The following CSMD2 variants were observed in gnomAD, a reference collection of about 807,000 sequenced individuals.
CSMD2 encodes CUB and sushi domain-containing protein 2.
CSMD2 carries 130 observed loss-of-function variants against 398.5 expected under a neutral mutation model. The ratio of observed to expected loss-of-function variants is 0.33; its 90% confidence interval spans 0.28 to 0.38. The LOEUF is 0.38. Ranked by LOEUF, CSMD2 falls within the 10% of genes least tolerant of loss-of-function variation. The probability of loss-of-function intolerance (pLI) is 1.00; values close to 1 mark genes in which losing one functional copy is unlikely to be tolerated. For missense variants in CSMD2, 3,829 were observed against 4,764.9 expected (o/e 0.80, Z 5.78); for synonymous variants, 1,828 against 1,908.5 (o/e 0.96, Z 1.10).
In CSMD2 at chr1:33,602,359, C is replaced by T. The variant is rs778060721; in HGVS notation, c.6710+10G>A. 5.0e-6 allele frequency: 8 copies of T among 1,613,734 alleles called. No homozygotes were observed. The East Asian group carries it at 1.8e-4, about 36-fold the overall frequency. On this transcript the variant is annotated intron_variant, in intron 43 of 70. Coordinates refer to ENST00000373381, the MANE Select transcript of CSMD2 (RefSeq NM_001281956.2). ...TTTCTAATTGGCTGTTGACATGGCA[C>T]CTGGCCTACCAGATGGTGATGAAAT...
chr1:33,992,591 G>C (rs532564056), intron 3 of CSMD2, among the ~76,000 whole-genome samples: 1 of 151,602 alleles, frequency 6.6e-6, no homozygotes, highest in African/African-American at 2.4e-5. Flanking sequence ...TAACTCGGCC[G>C]GGTGTGGTGG....
At chr1:33,714,923 A>C in intron 20 of CSMD2, 148 bp from the exon 21 acceptor site, 1 of 741,570 alleles carries the variant, frequency 1.3e-6, no homozygotes, top group Non-Finnish European at 2.2e-6. Flanking sequence ...GGCCCACAAA[A>C]GGTGACACTG....
chr1:34,101,224 A>G (rs1052944716), intron 1 of CSMD2, among the ~76,000 whole-genome samples: 19 of 152,260 alleles, frequency 1.2e-4, no homozygotes, highest in African/African-American at 4.6e-4. Context: ...GGCACCTTGC[A>G]TTTCTCTCTA....
intron 33 of CSMD2, among the ~76,000 whole-genome samples, chr1:33,625,955 C>T (rs545163906): frequency 4.6e-5 from 7 of 152,242 alleles, no homozygotes; most frequent in Non-Finnish European, 8.8e-5. Context: ...CCAGCTACTT[C>T]CCGAAGCCTC....
At chr1:33,664,783 A>G in intron 25 of CSMD2, among the ~76,000 whole-genome samples, 1 of 152,202 alleles carries the variant, frequency 6.6e-6, no homozygotes, top group Middle Eastern at 3.2e-3. Context: ...AGCCTGGGCG[A>G]CACAGCGAGA....
chr1:33,631,157 C>T (rs916827811), intron 32 of CSMD2, among the ~76,000 whole-genome samples: 13 of 151,572 alleles, frequency 8.6e-5, no homozygotes, highest in African/African-American at 1.7e-4. Flanking sequence ...CTGGTACAGC[C>T]GAGTAAAAAG....
At chr1:33,562,970 TA>T (rs1171158450) in intron 53 of CSMD2, among the ~76,000 whole-genome samples, 1 of 152,224 alleles carries the variant, frequency 6.6e-6, no homozygotes, top group Non-Finnish European at 1.5e-5. Flanking sequence ...TCTCTCTCTA[TA>T]CACACCTCCT....
In CSMD2 at chr1:33,708,615, A is replaced by ATTATTG. The variant is rs1402213414; in HGVS notation, c.3576+473_3576+474insCAATAA. On this transcript the variant is annotated intron_variant, in intron 22 of 70. Transcript: ENST00000373381. ...ACTTATTATTATTATTATTATTATTATTTTGAGACAGGGTCTGACTCTGTC... is the reference window on the plus strand; with the variant it reads ...ACTTATTATTATTATTATTATTATTATTATTGTTTTGAGACAGGGTCTGACTCTGTC... 1.2e-4 allele frequency among the ~76,000 whole-genome samples: 18 copies of ATTATTG among 149,734 alleles called. No homozygotes were observed. In the East Asian group the frequency reaches 3.5e-3, roughly 29 times the overall value.
intron 5 of CSMD2, among the ~76,000 whole-genome samples, chr1:33,895,636 G>T (rs1642333972): frequency 1.3e-5 from 2 of 152,168 alleles, no homozygotes; most frequent in Non-Finnish European, 2.9e-5. Flanking sequence ...GAGAGGCAGG[G>T]GGACTTGGTG....
chr1:33,899,703 C>A (rs1220016588), intron 5 of CSMD2, among the ~76,000 whole-genome samples: 1 of 152,212 alleles, frequency 6.6e-6, no homozygotes, highest in Non-Finnish European at 1.5e-5. Context: ...ATGTTCCCAG[C>A]AGGTTACAGT....
intron 2 of CSMD2, among the ~76,000 whole-genome samples, chr1:34,044,673 G>C (rs1294923649): frequency 1.3e-5 from 2 of 152,130 alleles, no homozygotes; most frequent in African/African-American, 4.8e-5. Context: ...TTCCGAGGGT[G>C]ATCTATGCAT....
intron 67 of CSMD2, among the ~76,000 whole-genome samples, chr1:33,523,027 C>G (rs867743479): frequency 2.6e-5 from 4 of 152,230 alleles, no homozygotes; most frequent in Non-Finnish European, 4.4e-5. Context: ...CCCTCTGCCC[C>G]CAACCTCCAT....
intron 32 of CSMD2, among the ~76,000 whole-genome samples, chr1:33,631,475 G>A (rs1009960230): frequency 1.8e-4 from 28 of 152,128 alleles, no homozygotes; most frequent in African/African-American, 5.3e-4. Context: ...TTAGTTGGCA[G>A]TGTAAGCAGT....
chr1:34,132,376 T>C (rs1663448581), intron 1 of CSMD2, among the ~76,000 whole-genome samples: 1 of 151,924 alleles, frequency 6.6e-6, no homozygotes, highest in Admixed American at 6.6e-5. Context: ...ATCTTGCTTG[T>C]TACCCACTTC....
intron 28 of CSMD2, among the ~76,000 whole-genome samples, chr1:33,649,141 A>G (rs1282901046): frequency 6.6e-6 from 1 of 152,200 alleles, no homozygotes; most frequent in East Asian, 1.9e-4. Flanking sequence ...ATATCTAACA[A>G]AGGCAATTGA....
At chr1:33,876,056 C>T (rs951848441) in intron 5 of CSMD2, among the ~76,000 whole-genome samples, 5 of 152,174 alleles carry the variant, frequency 3.3e-5, no homozygotes, top group African/African-American at 1.2e-4. Context: ...TTGCAGCCAT[C>T]AGGGGCTGCT....
chr1:33,577,185 A>C, intron 49 of CSMD2, 111 bp downstream of exon 49: 1 of 1,001,308 alleles, frequency 1.0e-6, no homozygotes, highest in Non-Finnish European at 1.5e-6. Context: ...GAAAGAATGA[A>C]ATAATTATCA....
intron 25 of CSMD2, among the ~76,000 whole-genome samples, chr1:33,678,467 C>T (rs1482007890): frequency 6.6e-6 from 1 of 152,058 alleles, no homozygotes; most frequent in Non-Finnish European, 1.5e-5. Context: ...ACTGCAGGAA[C>T]ACAATAAACC....
intron 44 of CSMD2, among the ~76,000 whole-genome samples, chr1:33,590,841 C>A (rs772121274): frequency 6.6e-6 from 1 of 152,070 alleles, no homozygotes; most frequent in Non-Finnish European, 1.5e-5. Flanking sequence ...ACGGTGGGGG[C>A]AATTGCTTTA....
Sources: allele counts gnomAD v4.1 joint callset (sites outside exome capture counted in the v4.1 genomes callset), GRCh38; gene constraint gnomAD v4.1.1; transcripts MANE v1.5; gene names NCBI Gene and HGNC (gene_info 2026-07-23, HGNC 2026-07-21).